Variants in TLL2 observed in about 807,000 individuals in gnomAD.
TLL2 encodes the protein tolloid-like protein 2.
Under a neutral mutation model 123.0 loss-of-function variants are expected in TLL2, and 106 were observed. The ratio of observed to expected loss-of-function variants is 0.86; its 90% confidence interval spans 0.74 to 1.01. The LOEUF (loss-of-function observed/expected upper bound fraction) is 1.01, where lower values mean the gene tolerates loss of function less well. Ranked by LOEUF, TLL2 falls within the 50% of genes least tolerant of loss-of-function variation. The pLI is 0.00. For synonymous variants in TLL2, 494 were observed against 516.8 expected (o/e 0.96, Z 0.60); for missense variants, 1,332 against 1,336.7 (o/e 1.00, Z 0.06).
intron 3 of TLL2, among the ~76,000 whole-genome samples, chr10:96,435,836 A>AT (rs990755429): frequency 1.3e-5 from 2 of 152,180 alleles, no homozygotes; most frequent in African/African-American, 4.8e-5. Context: ...AAATATTAAC[A>AT]TTTTCAAGGC....
In TLL2 at chr10:96,413,393, T is replaced by G. The variant is rs942731515; in HGVS notation, c.924-77A>C. 59 of 1,544,274 alleles carry G rather than the reference T, an allele frequency of 3.8e-5. No homozygotes were observed. The East Asian group carries it at 1.3e-3, about 33-fold the overall frequency. ...CTGTGCTGGGATTTCTAGGCTTCAT[T>G]CCCTTGCCCATAACCCCATCAACAT... On this transcript the variant is annotated intron_variant, in intron 7 of 20. Coordinates refer to ENST00000357947, the MANE Select transcript of TLL2 (RefSeq NM_012465.4).
At chr10:96,443,898 T>A (rs1362776370) in intron 3 of TLL2, among the ~76,000 whole-genome samples, 1 of 152,184 alleles carries the variant, frequency 6.6e-6, no homozygotes, top group African/African-American at 2.4e-5. Context: ...AACAACAAGC[T>A]GTATAGCTAA....
rs1350945449 is a variant in TLL2, at chr10:96,405,227, CT to C, written c.1267+4del. 6.2e-7 allele frequency: 1 copy of C among 1,613,904 alleles called. No individual in the cohort carries two copies. Among genetic ancestry groups the C allele is most frequent in the East Asian group, 2.2e-5 (1 of 44,878 alleles). ...CTCTCTTAACGGTGTCTAAAGTCAA[CT>C]TACCCAAAAGGGGGGCTTTTCTCCA... On this transcript the variant is annotated splice_donor_region_variant and intron_variant, in intron 10 of 20. Coordinates refer to ENST00000357947, the MANE Select transcript of TLL2 (RefSeq NM_012465.4).
At chr10:96,391,556 C>T (rs1408697187) in intron 13 of TLL2, among the ~76,000 whole-genome samples, 1 of 152,168 alleles carries the variant, frequency 6.6e-6, no homozygotes, top group African/African-American at 2.4e-5. Context: ...TGGAATCCTA[C>T]AGATCCAGGT....
chr10:96,428,084 C>T (rs939689253), intron 5 of TLL2, among the ~76,000 whole-genome samples: 4 of 152,170 alleles, frequency 2.6e-5, no homozygotes, highest in East Asian at 1.9e-4. Context: ...CGTGACTCAC[C>T]GCTCCTGGCC....
At chr10:96,474,431 A>C (rs1847216542) in intron 2 of TLL2, among the ~76,000 whole-genome samples, 1 of 152,214 alleles carries the variant, frequency 6.6e-6, no homozygotes, top group African/African-American at 2.4e-5. Context: ...ATGGATAAAG[A>C]GGCTTGAATG....
intron 1 of TLL2, among the ~76,000 whole-genome samples, chr10:96,510,772 G>T (rs536541381): frequency 6.6e-6 from 1 of 152,192 alleles, no homozygotes; most frequent in Non-Finnish European, 1.5e-5. Context: ...AAGAGGTTGG[G>T]CTAGAACCAA....
At chr10:96,424,685 T>C (rs1426903858) in intron 5 of TLL2, among the ~76,000 whole-genome samples, 1 of 152,210 alleles carries the variant, frequency 6.6e-6, no homozygotes, top group Non-Finnish European at 1.5e-5. Flanking sequence ...TTAAGAACCC[T>C]TTGTAAATTA....
At chr10:96,385,323 C>T (rs890804103) in intron 15 of TLL2, among the ~76,000 whole-genome samples, 1 of 152,210 alleles carries the variant, frequency 6.6e-6, no homozygotes, top group Non-Finnish European at 1.5e-5. Context: ...AAAAGAACTT[C>T]ACTGCTAAGG....
intron 3 of TLL2, 111 bp downstream of exon 3, chr10:96,445,980 C>T (rs1387380556): frequency 2.7e-6 from 3 of 1,105,082 alleles, no homozygotes; most frequent in Admixed American, 1.9e-5. Context: ...TGTGAATGTA[C>T]TTAATGCCAC....
At chr10:96,464,402 T>A (rs536790726) in intron 2 of TLL2, among the ~76,000 whole-genome samples, 38 of 151,552 alleles carry the variant, frequency 2.5e-4, no homozygotes, top group South Asian at 1.9e-3. Flanking sequence ...ATAAATTAAT[T>A]AATTAAACAT....
chr10:96,445,970 T>C (rs1846894180), intron 3 of TLL2, 121 bp downstream of exon 3: 1 of 998,344 alleles, frequency 1.0e-6, no homozygotes, highest in Non-Finnish European at 1.5e-6. Context: ...TACATAGCAT[T>C]GTGAATGTAC....
intron 1 of TLL2, among the ~76,000 whole-genome samples, chr10:96,496,041 TC>T (rs1251724061): frequency 2.6e-5 from 4 of 152,116 alleles, no homozygotes; most frequent in Non-Finnish European, 5.9e-5. Flanking sequence ...GAAACTGGGG[TC>T]CAAGAAGGTC....
intron 1 of TLL2, among the ~76,000 whole-genome samples, chr10:96,489,890 A>G (rs969938437): frequency 3.3e-5 from 5 of 152,136 alleles, no homozygotes; most frequent in African/African-American, 1.2e-4. Flanking sequence ...TGAGGTCAGG[A>G]GTTCGAGACC....
intron 1 of TLL2, among the ~76,000 whole-genome samples, chr10:96,504,035 C>T (rs1847557335): frequency 6.6e-6 from 1 of 152,178 alleles, no homozygotes; most frequent in African/African-American, 2.4e-5. Context: ...AGGCTCTCCC[C>T]TATGCAAGCA....
At chr10:96,413,430 G>T in intron 7 of TLL2, 114 bp from the exon 8 acceptor site, 1 of 1,339,904 alleles carries the variant, frequency 7.5e-7, no homozygotes, top group Non-Finnish European at 1.0e-6. Flanking sequence ...CCTGCCCCCT[G>T]GCCAGCCTCT....
At chr10:96,446,251 T>C in intron 2 of TLL2, 83 bp from the exon 3 acceptor site, 3 of 1,320,012 alleles carry the variant, frequency 2.3e-6, no homozygotes, top group Non-Finnish European at 3.3e-6. Context: ...GCAAACCTGG[T>C]CACCTGGGGA....
intron 4 of TLL2, among the ~76,000 whole-genome samples, chr10:96,431,383 G>T (rs947223011): frequency 2.0e-5 from 3 of 152,152 alleles, no homozygotes; most frequent in Admixed American, 2.0e-4. Context: ...GGTCTTCACC[G>T]TTCCCTAACT....
intron 7 of TLL2, among the ~76,000 whole-genome samples, chr10:96,415,739 GTCTCTCTCTC>G (rs142401265): frequency 7.1e-5 from 2 of 28,062 alleles, no homozygotes; most frequent in African/African-American, 1.3e-4. Flanking sequence ...GTCTCTCTCT[GTCTCTCTCTC>G]TCTCTCTCTC....
Sources: gnomAD v4.1 joint callset for allele counts (sites outside exome capture counted in the v4.1 genomes callset) on GRCh38, gnomAD v4.1.1 for gene constraint, MANE v1.5 for transcripts, NCBI Gene and HGNC (gene_info 2026-07-23, HGNC 2026-07-21) for gene names.